Variants in RPS6KC1 observed in about 807,000 individuals in gnomAD.
RPS6KC1 encodes inactive ribosomal protein S6 kinase delta-1.
RPS6KC1 carries 54 observed loss-of-function variants against 103.8 expected under a neutral mutation model. The observed-to-expected ratio is 0.52, with a 90% CI of 0.42 to 0.65. The LOEUF is 0.65. RPS6KC1 is among the 30% of genes least tolerant of loss of function. The pLI is 0.00. For missense variants in RPS6KC1, 1,151 were observed against 1,253.8 expected, an observed-to-expected ratio of 0.92 and a Z score of 1.24; for synonymous variants, 439 against 438.7, an observed-to-expected ratio of 1.00 and a Z score of -0.01.
the RPS6KC1 span, among the ~76,000 whole-genome samples, chr1:213,483,415 C>T: frequency 2.6e-5 from 4 of 152,132 alleles, no homozygotes; most frequent in Admixed American, 2.0e-4. Context: ...TATTTATTCA[C>T]CACTTAATGG....
chr1:213,427,028 TG>T, the RPS6KC1 span, among the ~76,000 whole-genome samples: 1 of 152,234 alleles, frequency 6.6e-6, no homozygotes, highest in Non-Finnish European at 1.5e-5. Context: ...AGAAGTCATC[TG>T]GTCTTGCTAA....
intron 5 of RPS6KC1, among the ~76,000 whole-genome samples, chr1:213,120,867 A>T (rs574601812): frequency 1.3e-5 from 2 of 152,126 alleles, no homozygotes; most frequent in Admixed American, 1.3e-4. Context: ...AGTGATCATT[A>T]TTTTTGTTAA....
In RPS6KC1 at chr1:213,177,400, C is replaced by G. The variant is rs539546027; in HGVS notation, c.1044+908C>G. Among the ~76,000 whole-genome samples the G allele has an allele frequency of 3.3e-5, 5 of 152,276 alleles. No individual in the cohort carries two copies. In the South Asian group the frequency reaches 1.0e-3, roughly 32 times the overall value. ...GAAGCACCTTAATGTTCATTTTTAA[C>G]TTACTATACATTATTTGTGAAGTAT... On this transcript the variant is annotated intron_variant, in intron 8 of 14. Transcript: ENST00000366960.
the RPS6KC1 span, among the ~76,000 whole-genome samples, chr1:213,479,129 T>C: frequency 2.0e-5 from 3 of 152,090 alleles, no homozygotes; most frequent in African/African-American, 7.2e-5. Context: ...TATATCACAC[T>C]TCATATCCAC....
At chr1:213,491,125 C>A in the RPS6KC1 span, among the ~76,000 whole-genome samples, 936 of 152,260 alleles carry the variant, frequency 6.1e-3, 7 homozygotes, top group African/African-American at 0.021. Flanking sequence ...GTTGTTAAAA[C>A]GCTACTCTTA....
the RPS6KC1 span, among the ~76,000 whole-genome samples, chr1:213,692,833 G>T: frequency 6.6e-6 from 1 of 152,094 alleles, no homozygotes; most frequent in African/African-American, 2.4e-5. Context: ...ACTTTCCCTG[G>T]CTCTGGCTAT....
At chr1:213,075,429 A>C (rs2079245837) in intron 2 of RPS6KC1, among the ~76,000 whole-genome samples, 1 of 152,162 alleles carries the variant, frequency 6.6e-6, no homozygotes, top group Non-Finnish European at 1.5e-5. Context: ...CTCACTGCGT[A>C]TGCTGAGAAA....
the RPS6KC1 span, among the ~76,000 whole-genome samples, chr1:213,576,782 A>G: frequency 2.6e-5 from 4 of 152,226 alleles, no homozygotes; most frequent in African/African-American, 9.7e-5. Flanking sequence ...AGAAATGATT[A>G]AGCTTAGTGA....
At chr1:213,338,102 GT>G in the RPS6KC1 span, among the ~76,000 whole-genome samples, 1 of 152,192 alleles carries the variant, frequency 6.6e-6, no homozygotes, top group African/African-American at 2.4e-5. Context: ...GAATTCCTAA[GT>G]TCTTGGGAAA....
chr1:213,364,898 C>T, the RPS6KC1 span, among the ~76,000 whole-genome samples: 1 of 152,026 alleles, frequency 6.6e-6, no homozygotes, highest in Non-Finnish European at 1.5e-5. Flanking sequence ...GCGGAGGTTG[C>T]AGTAAGCCGA....
At chr1:213,517,663 T>G in the RPS6KC1 span, among the ~76,000 whole-genome samples, 3 of 152,180 alleles carry the variant, frequency 2.0e-5, no homozygotes, top group African/African-American at 7.2e-5. Context: ...GTGGTCAATT[T>G]TGGAATAGGT....
At chr1:213,221,532 A>C (rs2093832122) in intron 8 of RPS6KC1, among the ~76,000 whole-genome samples, 1 of 152,224 alleles carries the variant, frequency 6.6e-6, no homozygotes, top group Non-Finnish European at 1.5e-5. Flanking sequence ...TAAGTTGGAA[A>C]GTTAACGTTT....
At chr1:213,511,939 C>A in the RPS6KC1 span, among the ~76,000 whole-genome samples, 1 of 152,254 alleles carries the variant, frequency 6.6e-6, no homozygotes, top group South Asian at 2.1e-4. Flanking sequence ...CAGAGTTTTG[C>A]CCATTTGTTC....
intron 14 of RPS6KC1, among the ~76,000 whole-genome samples, chr1:213,268,942 A>AC (rs1218048267): frequency 6.6e-6 from 1 of 152,188 alleles, no homozygotes; most frequent in African/African-American, 2.4e-5. Flanking sequence ...TAAAGGAAGA[A>AC]CAAATAAGAC....
At chr1:213,166,958 G>A (rs930214462) in intron 6 of RPS6KC1, among the ~76,000 whole-genome samples, 1 of 152,050 alleles carries the variant, frequency 6.6e-6, no homozygotes, top group African/African-American at 2.4e-5. Context: ...AGTTAAGTTC[G>A]TTCTTTCACA....
At chr1:213,142,819 A>G (rs1323238073) in intron 6 of RPS6KC1, among the ~76,000 whole-genome samples, 4 of 152,078 alleles carry the variant, frequency 2.6e-5, no homozygotes, top group Non-Finnish European at 5.9e-5. Flanking sequence ...CATTGTTTTT[A>G]AAGACATAAT....
At chr1:213,578,776 C>T in the RPS6KC1 span, among the ~76,000 whole-genome samples, 1 of 152,098 alleles carries the variant, frequency 6.6e-6, no homozygotes, top group African/African-American at 2.4e-5. Flanking sequence ...TTTGATTTTA[C>T]AGGCTCACGG....
At chr1:213,488,433 G>A in the RPS6KC1 span, among the ~76,000 whole-genome samples, 1 of 152,186 alleles carries the variant, frequency 6.6e-6, no homozygotes, top group African/African-American at 2.4e-5. Context: ...CCTTCTCCTA[G>A]GCTTCCCACT....
chr1:213,132,629 T>G (rs1358234397), intron 6 of RPS6KC1, among the ~76,000 whole-genome samples: 1 of 152,218 alleles, frequency 6.6e-6, no homozygotes, highest in East Asian at 1.9e-4. Context: ...AGATGTTTCC[T>G]TGGGTAAAGT....
Sources: gnomAD v4.1 joint callset for allele counts (sites outside exome capture counted in the v4.1 genomes callset) on GRCh38, gnomAD v4.1.1 for gene constraint, MANE v1.5 for transcripts, NCBI Gene and HGNC (gene_info 2026-07-23, HGNC 2026-07-21) for gene names.